The following SEZ6L variants were observed in gnomAD, a reference collection of about 807,000 sequenced individuals.
SEZ6L encodes seizure 6-like protein.
Under a neutral mutation model 106.2 loss-of-function variants are expected in SEZ6L, and 37 were observed. The ratio of observed to expected loss-of-function variants is 0.35; its 90% CI spans 0.27 to 0.46. The LOEUF is 0.46. SEZ6L is among the 20% of genes least tolerant of loss of function. The probability of loss-of-function intolerance (pLI) is 1.00; values close to 1 mark genes in which losing one functional copy is unlikely to be tolerated. For missense variants in SEZ6L, 1,172 were observed against 1,332.8 expected, an observed-to-expected ratio of 0.88 and a Z score of 1.88; for synonymous variants, 541 against 570.4, an observed-to-expected ratio of 0.95 and a Z score of 0.73.
intron 11 of SEZ6L, among the ~76,000 whole-genome samples, chr22:26,348,367 G>T (rs1395448721): frequency 2.6e-5 from 4 of 150,992 alleles, no homozygotes; most frequent in Non-Finnish European, 5.9e-5. Context: ...AGCTGGGTGT[G>T]GTGGGACACA....
chr22:26,364,311 A>T (rs913176151), intron 12 of SEZ6L, among the ~76,000 whole-genome samples: 5 of 151,768 alleles, frequency 3.3e-5, no homozygotes, highest in Non-Finnish European at 5.9e-5. Context: ...TGCAGGTTCA[A>T]CTCTCCAGTA....
At chr22:26,247,743 C>T (rs1259520489) in intron 1 of SEZ6L, among the ~76,000 whole-genome samples, 1 of 152,136 alleles carries the variant, frequency 6.6e-6, no homozygotes, top group Non-Finnish European at 1.5e-5. Flanking sequence ...TTTGTTGTGG[C>T]AGCTCTCGGA....
intron 1 of SEZ6L, among the ~76,000 whole-genome samples, chr22:26,252,478 G>A (rs1192950095): frequency 6.6e-6 from 1 of 152,112 alleles, no homozygotes; most frequent in African/African-American, 2.4e-5. Context: ...CATGGGTATG[G>A]TACATGATGC....
chr22:26,171,656 T>C (rs1938616521), intron 1 of SEZ6L, among the ~76,000 whole-genome samples: 1 of 152,234 alleles, frequency 6.6e-6, no homozygotes, highest in African/African-American at 2.4e-5. Context: ...ATACTATTTT[T>C]CCAACTGCTC....
intron 9 of SEZ6L, 70 bp from the exon 10 acceptor site, chr22:26,340,366 A>G (rs538505308): frequency 4.2e-6 from 6 of 1,434,602 alleles, no homozygotes; most frequent in Non-Finnish European, 4.7e-6. Context: ...TGCCTGAAAA[A>G]GTTAATCAAG....
chr22:26,320,184 C>T (rs143132967), intron 9 of SEZ6L, among the ~76,000 whole-genome samples: 26 of 152,228 alleles, frequency 1.7e-4, no homozygotes, highest in Admixed American at 6.5e-4. Flanking sequence ...GAATATCTAG[C>T]GGGAGGGGGA....
At chr22:26,257,448 T>G (rs2079860400) in intron 1 of SEZ6L, among the ~76,000 whole-genome samples, 1 of 152,208 alleles carries the variant, frequency 6.6e-6, no homozygotes. Context: ...TCCTGTCTAT[T>G]AATTTCCTCC....
chr22:26,375,522 C>T, intron 14 of SEZ6L, 53 bp from the exon 15 acceptor site: 1 of 1,464,278 alleles, frequency 6.8e-7, no homozygotes, highest in East Asian at 2.3e-5. Context: ...GTTGGGCACT[C>T]ACTGGGAGTC....
At chr22:26,284,628 A>AAC (rs1294830625) in intron 1 of SEZ6L, among the ~76,000 whole-genome samples, 3 of 145,640 alleles carry the variant, frequency 2.1e-5, no homozygotes, top group African/African-American at 8.3e-5. Context: ...AAAAAAAAAA[A>AAC]AAAACCCTAA....
At chr22:26,261,221 G>A (rs1337935259) in intron 1 of SEZ6L, among the ~76,000 whole-genome samples, 1 of 152,180 alleles carries the variant, frequency 6.6e-6, no homozygotes, top group Non-Finnish European at 1.5e-5. Flanking sequence ...TTACTGAGCA[G>A]AAGCTCTTTA....
chr22:26,189,556 A>C (rs1208992258), intron 1 of SEZ6L, among the ~76,000 whole-genome samples: 1 of 152,212 alleles, frequency 6.6e-6, no homozygotes, highest in African/African-American at 2.4e-5. Context: ...ACAAACTTAA[A>C]ATTTAAAAAC....
chr22:26,189,603 T>A (rs73417510), intron 1 of SEZ6L, among the ~76,000 whole-genome samples: 2,118 of 152,228 alleles, frequency 0.014, 43 homozygotes, highest in African/African-American at 0.047. Flanking sequence ...AGCATTTATA[T>A]TCTATTAGGT....
chr22:26,215,651 C>G (rs1013702397), intron 1 of SEZ6L, among the ~76,000 whole-genome samples: 4 of 152,208 alleles, frequency 2.6e-5, no homozygotes, highest in African/African-American at 9.6e-5. Context: ...AAAAGGAAAC[C>G]CCATAAAGAA....
intron 1 of SEZ6L, among the ~76,000 whole-genome samples, chr22:26,181,985 A>G (rs1296172627): frequency 2.6e-5 from 4 of 152,162 alleles, no homozygotes; most frequent in Non-Finnish European, 2.9e-5. Flanking sequence ...CATTATTATC[A>G]TTATTAATCA....
At chr22:26,221,712 A>T (rs1574887) in intron 1 of SEZ6L, among the ~76,000 whole-genome samples, 1 of 151,920 alleles carries the variant, frequency 6.6e-6, no homozygotes, top group Non-Finnish European at 1.5e-5. Context: ...GTGTGTGTGC[A>T]CCTGAATTCA....
At chr22:26,211,787 T>C (rs1161762114) in intron 1 of SEZ6L, among the ~76,000 whole-genome samples, 1 of 93,572 alleles carries the variant, frequency 1.1e-5, no homozygotes, top group African/African-American at 4.4e-5. Flanking sequence ...CTGGGCAACA[T>C]AGCCAGACCT....
intron 16 of SEZ6L, among the ~76,000 whole-genome samples, chr22:26,378,482 C>T (rs977741944): frequency 6.6e-6 from 1 of 152,158 alleles, no homozygotes; most frequent in South Asian, 2.1e-4. Context: ...TCCCTCGAAC[C>T]TCTGACAATC....
intron 1 of SEZ6L, among the ~76,000 whole-genome samples, chr22:26,200,335 T>C (rs761184267): frequency 6.6e-6 from 1 of 152,150 alleles, no homozygotes; most frequent in Admixed American, 6.5e-5. Flanking sequence ...ATCCATCCTT[T>C]CAGTAATTTT....
At chr22:26,259,111 G>A (rs1384195405) in intron 1 of SEZ6L, among the ~76,000 whole-genome samples, 3 of 152,190 alleles carry the variant, frequency 2.0e-5, no homozygotes, top group South Asian at 2.1e-4. Context: ...ACAGAAATGG[G>A]AGATTTTCAG....
Sources: gnomAD v4.1 joint callset for allele counts (sites outside exome capture counted in the v4.1 genomes callset) on GRCh38, gnomAD v4.1.1 for gene constraint, MANE v1.5 for transcripts, NCBI Gene and HGNC (gene_info 2026-07-23, HGNC 2026-07-21) for gene names.